The following SAP30BP variants were observed in gnomAD, a reference collection of about 807,000 sequenced individuals.
The protein encoded by SAP30BP is SAP30 binding protein.
SAP30BP carries 31 observed loss-of-function variants against 46.3 expected under a neutral mutation model. That is an observed-to-expected ratio of 0.67 (90% CI 0.50 to 0.90). SAP30BP has a LOEUF of 0.90. SAP30BP is among the 40% of genes least tolerant of loss of function. The pLI is 0.00. For missense variants in SAP30BP, 312 were observed against 391.0 expected, an observed-to-expected ratio of 0.80 and a Z score of 1.70; for synonymous variants, 169 against 144.2, an observed-to-expected ratio of 1.17 and a Z score of -1.23.
intron 3 of SAP30BP, chr17:75,692,456 T>C: frequency 2.0e-6 from 2 of 985,486 alleles, no homozygotes; most frequent in Non-Finnish European, 2.4e-6. Flanking sequence ...TGAGCACGTG[T>C]GGCCCTTGAG....
intron 3 of SAP30BP, among the ~76,000 whole-genome samples, chr17:75,688,234 G>T (rs973371109): frequency 6.6e-6 from 1 of 152,200 alleles, no homozygotes; most frequent in Non-Finnish European, 1.5e-5. Context: ...AATCCTCAAG[G>T]CTCGTGGGCC....
At chr17:75,682,961 CAAAAAAAAAAA>C (rs770262344) in intron 3 of SAP30BP, among the ~76,000 whole-genome samples, 1 of 64,134 alleles carries the variant, frequency 1.6e-5, no homozygotes, top group African/African-American at 5.8e-5. Context: ...GACTTCGTCT[CAAAAAAAAAAA>C]AAAAAAAGAA....
chr17:75,705,521 G>A, intron 9 of SAP30BP: 1 of 652,420 alleles, frequency 1.5e-6, no homozygotes, highest in Non-Finnish European at 1.9e-6. Flanking sequence ...GAACGTGGGA[G>A]CTGGTGCAAG....
intron 6 of SAP30BP, 182 bp from the exon 7 acceptor site, chr17:75,703,129 G>A (rs941133131): frequency 2.1e-4 from 125 of 604,138 alleles, no homozygotes; most frequent in Non-Finnish European, 3.5e-4. Context: ...TGCTCCTCCC[G>A]GCCCCTAGCT....
chr17:75,673,862 C>T (rs1599097406), intron 3 of SAP30BP, among the ~76,000 whole-genome samples: 1 of 152,184 alleles, frequency 6.6e-6, no homozygotes, highest in Admixed American at 6.5e-5. Context: ...CCTCGTCATT[C>T]CTGCCTGCTC....
rs1394733389 is a variant in SAP30BP at position 75,706,827 on chromosome 17, T to TC, written c.*311dup. On this transcript the variant is annotated 3_prime_UTR_variant, in exon 11 of 11. Transcript: ENST00000584667. The surrounding 1 kb of genome is among the most constrained non-coding windows in gnomAD (Gnocchi z 4.6). ...GCAGGCAAATGCTTCAGCTCACATG[T>TC]CCCCCAAGACTCAATAGTCTTGGTT... 6 of 409,636 alleles carry TC rather than the reference T, an allele frequency of 1.5e-5. No homozygotes were observed. The highest frequency in any genetic ancestry group is 2.7e-5 in the Non-Finnish European group (6 of 223,414). The allele number at this position is 409,636 out of a possible 1,614,324, so 25.4% of individuals were successfully genotyped here.
At chr17:75,696,242 A>C (rs2060315761) in intron 4 of SAP30BP, among the ~76,000 whole-genome samples, 1 of 152,132 alleles carries the variant, frequency 6.6e-6, no homozygotes, top group South Asian at 2.1e-4. Flanking sequence ...CTTACAAGAA[A>C]TGTGGGGCTC....
At chr17:75,678,956 A>G (rs918732082) in intron 3 of SAP30BP, among the ~76,000 whole-genome samples, 2 of 148,610 alleles carry the variant, frequency 1.3e-5, no homozygotes, top group Non-Finnish European at 3.0e-5. Flanking sequence ...TTCATAAGGT[A>G]GTGAGCTCCC....
chr17:75,671,520 A>G (rs75113431), intron 2 of SAP30BP, among the ~76,000 whole-genome samples: 2,317 of 152,228 alleles, frequency 0.015, 49 homozygotes, highest in African/African-American at 0.052. Context: ...AGCTTTCTCC[A>G]TTTTTATGTA....
chr17:75,674,267 G>A (rs2059949645), intron 3 of SAP30BP, among the ~76,000 whole-genome samples: 1 of 151,900 alleles, frequency 6.6e-6, no homozygotes, highest in South Asian at 2.1e-4. Flanking sequence ...GAACTTTCTG[G>A]CACATTTACA....
intron 2 of SAP30BP, among the ~76,000 whole-genome samples, chr17:75,670,553 A>G (rs2059893623): frequency 6.6e-6 from 1 of 152,138 alleles, no homozygotes; most frequent in African/African-American, 2.4e-5. Flanking sequence ...GTGTTTTTGA[A>G]GTGTTATTTC....
intron 3 of SAP30BP, among the ~76,000 whole-genome samples, chr17:75,687,318 C>G (rs142294682): frequency 6.6e-6 from 1 of 152,162 alleles, no homozygotes; most frequent in East Asian, 1.9e-4. Flanking sequence ...GCCCAGTGTT[C>G]GGAAAGAGGA....
chr17:75,677,700 C>G (rs2148380533), intron 3 of SAP30BP, among the ~76,000 whole-genome samples: 1 of 149,804 alleles, frequency 6.7e-6, no homozygotes, highest in South Asian at 2.1e-4. Context: ...CCCACCTCAG[C>G]CTTCCATAGT....
chr17:75,700,387 T>C (rs2060389860), intron 5 of SAP30BP: 1 of 152,388 alleles, frequency 6.6e-6, no homozygotes, highest in South Asian at 2.1e-4. Flanking sequence ...GTCGAGGCTT[T>C]TGTGCAGTTA....
At chr17:75,692,446 T>A (rs2060255120) in intron 3 of SAP30BP, 8 of 985,498 alleles carry the variant, frequency 8.1e-6, no homozygotes, top group Non-Finnish European at 9.6e-6. Flanking sequence ...GTTTTGATGA[T>A]GAGCACGTGT....
intron 3 of SAP30BP, among the ~76,000 whole-genome samples, chr17:75,683,049 TA>T (rs1194865279): frequency 8.9e-4 from 39 of 43,588 alleles, no homozygotes; most frequent in East Asian, 4.5e-3. Flanking sequence ...TTTATTTATT[TA>T]TTTATTTTTT....
chr17:75,689,148 C>G lies in SAP30BP; in HGVS notation c.265-4292C>G, dbSNP rs571474242. Among the ~76,000 whole-genome samples, 201 of 138,978 alleles carry G rather than the reference C, an allele frequency of 1.4e-3. 1 individual carries two copies. Among genetic ancestry groups the G allele is most frequent in the African/African-American group, 5.2e-3 (192 of 37,276 alleles). The allele number at this position is 138,978 out of a possible 152,430, so 91.2% of individuals were successfully genotyped here. A position where few individuals can be genotyped will look rare whatever the true frequency, so the allele number is the denominator to read the frequency against. Reference sequence around the variant, plus strand: ...TTTTGTTTTTGTCTTTTCGTTTTTCCTTGTATCTTTTTTTTTTTTTTTTGG... The same window carrying G: ...TTTTGTTTTTGTCTTTTCGTTTTTCGTTGTATCTTTTTTTTTTTTTTTTGG... On this transcript the variant is annotated intron_variant, in intron 3 of 10. Coordinates refer to ENST00000584667, the MANE Select transcript of SAP30BP (RefSeq NM_013260.8).
rs553119847 is a variant in SAP30BP at position 75,685,898 on chromosome 17, A to G, written c.265-7542A>G. On this transcript the variant is annotated intron_variant, in intron 3 of 10. Transcript: ENST00000584667. ...AAAAAGGGAATGGCCCTCTCTGACCATCTTCTGTAACTTTCAAGAAACCAA... is the reference window on the plus strand; with the variant it reads ...AAAAAGGGAATGGCCCTCTCTGACCGTCTTCTGTAACTTTCAAGAAACCAA... Among the ~76,000 whole-genome samples, 7 of 152,254 alleles carry G rather than the reference A, an allele frequency of 4.6e-5. No homozygotes were observed. In the East Asian group the frequency reaches 1.4e-3, roughly 29 times the overall value.
intron 3 of SAP30BP, among the ~76,000 whole-genome samples, chr17:75,675,614 T>G (rs984071427): frequency 2.0e-5 from 3 of 152,184 alleles, no homozygotes; most frequent in Admixed American, 2.0e-4. Context: ...AAATTACTTA[T>G]TTTAAAATAA....
Sources: allele counts gnomAD v4.1 joint callset (sites outside exome capture counted in the v4.1 genomes callset), GRCh38; gene constraint gnomAD v4.1.1; non-coding constraint Gnocchi (gnomAD v3.1); transcripts MANE v1.5; gene names NCBI Gene and HGNC (gene_info 2026-07-23, HGNC 2026-07-21).